Variants in ME1 observed in about 807,000 individuals in gnomAD.
ME1 encodes NADP-dependent malic enzyme.
A neutral mutation model predicts 66.4 loss-of-function variants in ME1; 74 were observed. The ratio of observed to expected loss-of-function variants is 1.11; its 90% confidence interval spans 0.92 to 1.35. ME1 has a LOEUF of 1.35. ME1 is among the 40% of genes most tolerant of loss of function. The pLI is 0.00. For synonymous variants in ME1, 251 were observed against 235.6 expected (o/e 1.07, Z -0.60); for missense variants, 750 against 694.1 (o/e 1.08, Z -0.90).
rs1375429857 is a variant in ME1, at chr6:83,225,811, TATATATA to T, written c.1275+1517_1275+1523del. 1.0e-3 allele frequency among the ~76,000 whole-genome samples: 84 copies of T among 82,134 alleles called. No individual in the cohort carries two copies. In the African/African-American group the frequency reaches 0.013, roughly 13 times the overall value. 53.9% of individuals were successfully genotyped at this position (82,134 alleles called of 152,430 possible). A position where few individuals can be genotyped will look rare whatever the true frequency, so the allele number is the denominator to read the frequency against. On this transcript the variant is annotated intron_variant, in intron 11 of 13. Coordinates refer to ENST00000369705, the MANE Select transcript of ME1 (RefSeq NM_002395.6). ...TTTGAGAAAGAGGCCTGTAACATTA[TATATATA>T]TATATATATATATATATATCTCCCC...
chr6:83,373,548 A>T (rs1183982986), intron 3 of ME1, among the ~76,000 whole-genome samples: 1 of 152,214 alleles, frequency 6.6e-6, no homozygotes, highest in East Asian at 1.9e-4. Flanking sequence ...TTCATTAAAT[A>T]CATAGAAAGT....
intron 6 of ME1, among the ~76,000 whole-genome samples, chr6:83,261,946 G>A (rs1239888542): frequency 1.3e-5 from 2 of 150,942 alleles, no homozygotes; most frequent in African/African-American, 4.9e-5. Flanking sequence ...CCCAGGTGGT[G>A]GAGGTTGCAG....
intron 6 of ME1, among the ~76,000 whole-genome samples, chr6:83,260,299 G>A (rs1478221709): frequency 2.0e-5 from 3 of 152,040 alleles, no homozygotes; most frequent in African/African-American, 7.2e-5. Flanking sequence ...TTGAAGTTCG[G>A]TTTATAACTA....
chr6:83,280,321 C>T (rs1334102907), intron 6 of ME1, among the ~76,000 whole-genome samples: 1 of 151,940 alleles, frequency 6.6e-6, no homozygotes, highest in African/African-American at 2.4e-5. Flanking sequence ...CAAATGAAAG[C>T]AATGTGACAA....
intron 3 of ME1, among the ~76,000 whole-genome samples, chr6:83,385,000 A>G (rs1419211374): frequency 1.3e-5 from 2 of 151,884 alleles, no homozygotes; most frequent in Non-Finnish European, 2.9e-5. Flanking sequence ...CCATGCAAGC[A>G]TACACTTTCT....
intron 11 of ME1, among the ~76,000 whole-genome samples, chr6:83,225,205 C>CAAAAAAAAAAA (rs146673365): frequency 2.5e-5 from 1 of 40,498 alleles, no homozygotes; most frequent in Non-Finnish European, 5.3e-5. Flanking sequence ...GACTCCATCT[C>CAAAAAAAAAAA]AAAAAAAAAA....
At chr6:83,212,232 C>A in intron 13 of ME1, 138 bp from the exon 14 acceptor site, 1 of 510,658 alleles carries the variant, frequency 2.0e-6, no homozygotes, top group South Asian at 5.1e-5. Flanking sequence ...AATAAAAGCA[C>A]ATATAAGCAA....
intron 12 of ME1, among the ~76,000 whole-genome samples, chr6:83,219,500 A>C (rs1319508110): frequency 1.3e-5 from 2 of 152,202 alleles, no homozygotes; most frequent in Non-Finnish European, 2.9e-5. Context: ...TTCCTAATTC[A>C]TAAGGATTGA....
intron 6 of ME1, among the ~76,000 whole-genome samples, chr6:83,296,635 C>A (rs1767602188): frequency 6.6e-6 from 1 of 152,144 alleles, no homozygotes; most frequent in Admixed American, 6.5e-5. Context: ...TCTCACTACT[C>A]CTATTAAACA....
rs145688465 is a variant in ME1, at chr6:83,305,859, C to T, written c.704+9451G>A. ...CCTCTTTAATTATTCTTTTCCTTTCCGCATCTTTAATCTCTAATAATTAAA... is the reference window on the plus strand; with the variant it reads ...CCTCTTTAATTATTCTTTTCCTTTCTGCATCTTTAATCTCTAATAATTAAA... On this transcript the variant is annotated intron_variant, in intron 6 of 13. Transcript: ENST00000369705. Among the ~76,000 whole-genome samples, 321 of 152,144 alleles carry T rather than the reference C, an allele frequency of 2.1e-3. 1 individual carries two copies. Among genetic ancestry groups the T allele is most frequent in the Middle Eastern group, 6.8e-3 (2 of 294 alleles).
intron 9 of ME1, among the ~76,000 whole-genome samples, chr6:83,236,541 T>C (rs931859022): frequency 1.3e-5 from 2 of 152,214 alleles, no homozygotes; most frequent in African/African-American, 4.8e-5. Context: ...TAAAGAATGA[T>C]TGATATGCAC....
At position 83,352,143 on chromosome 6, in the gene ME1, C is replaced by CATA; in HGVS notation, c.363-5_363-4insTAT. Reference sequence around the variant, plus strand: ...GTGGATAGTAATAAAGAGACCTCTGCAGAAAAAAAAAAAAAAAAAGGAGTA... The same window carrying CATA: ...GTGGATAGTAATAAAGAGACCTCTGCATAAGAAAAAAAAAAAAAAAAAGGAGTA... On this transcript the variant is annotated splice_region_variant and splice_polypyrimidine_tract_variant and intron_variant, in intron 3 of 13. Coordinates refer to ENST00000369705, the MANE Select transcript of ME1 (RefSeq NM_002395.6). 2.0e-6 allele frequency: 2 copies of CATA among 1,009,784 alleles called. No homozygotes were observed. Among genetic ancestry groups the CATA allele is most frequent in the Non-Finnish European group, 2.6e-6 (2 of 763,746 alleles). 62.6% of individuals were successfully genotyped at this position (1,009,784 alleles called of 1,614,324 possible).
At chr6:83,339,941 GCA>G (rs1343026080) in intron 5 of ME1, among the ~76,000 whole-genome samples, 1 of 138,342 alleles carries the variant, frequency 7.2e-6, no homozygotes, top group African/African-American at 2.7e-5. Flanking sequence ...TGCACAATGT[GCA>G]CATGTACCCT....
intron 3 of ME1, among the ~76,000 whole-genome samples, chr6:83,384,905 T>C (rs1157608376): frequency 3.3e-5 from 5 of 151,974 alleles, no homozygotes; most frequent in Non-Finnish European, 7.4e-5. Flanking sequence ...TGTTTGTTAT[T>C]GTTGACTTTG....
At chr6:83,254,016 G>T (rs1583342226) in intron 6 of ME1, among the ~76,000 whole-genome samples, 1 of 152,028 alleles carries the variant, frequency 6.6e-6, no homozygotes, top group African/African-American at 2.4e-5. Context: ...AAAAATTTTT[G>T]AAGTAAATAA....
At chr6:83,386,893 G>A (rs1769514414) in intron 3 of ME1, among the ~76,000 whole-genome samples, 1 of 152,064 alleles carries the variant, frequency 6.6e-6, no homozygotes, top group South Asian at 2.1e-4. Flanking sequence ...GTCCTTACTG[G>A]AAAGCAACCA....
chr6:83,273,176 C>CAAAAA (rs67482208), intron 6 of ME1, among the ~76,000 whole-genome samples: 44 of 70,130 alleles, frequency 6.3e-4, no homozygotes, highest in African/African-American at 1.5e-3. Flanking sequence ...GACTCTGCCT[C>CAAAAA]AAAAAAAAAA....
intron 5 of ME1, among the ~76,000 whole-genome samples, chr6:83,324,376 T>TA (rs1315440156): frequency 4.6e-5 from 7 of 151,470 alleles, no homozygotes; most frequent in Admixed American, 2.6e-4. Context: ...GAAAAACCCT[T>TA]AAAAAAATGA....
intron 8 of ME1, 59 bp downstream of exon 8, chr6:83,239,480 C>T: frequency 8.7e-7 from 1 of 1,147,992 alleles, no homozygotes. Context: ...AGTTAATGAG[C>T]AATTAACACT....
Sources: allele counts gnomAD v4.1 joint callset (sites outside exome capture counted in the v4.1 genomes callset), GRCh38; gene constraint gnomAD v4.1.1; transcripts MANE v1.5; gene names NCBI Gene and HGNC (gene_info 2026-07-23, HGNC 2026-07-21).